The following ZNF609 variants were observed in gnomAD, a reference collection of about 807,000 sequenced individuals.
ZNF609 encodes the protein zinc finger protein 609.
Under a neutral mutation model 109.5 loss-of-function variants are expected in ZNF609, and 11 were observed. The ratio of observed to expected loss-of-function variants is 0.10; its 90% confidence interval spans 0.06 to 0.17. ZNF609 has a LOEUF of 0.17. Among genes scored for constraint, ZNF609 ranks in the 10% least tolerant of loss-of-function variants. ZNF609 has a pLI of 1.00. For synonymous variants in ZNF609, 646 were observed against 662.0 expected, an observed-to-expected ratio of 0.98 and a Z score of 0.37; for missense variants, 1,559 against 1,772.4, an observed-to-expected ratio of 0.88 and a Z score of 2.16.
chr15:64,660,328 C>G (rs1896555450), intron 3 of ZNF609, among the ~76,000 whole-genome samples: 1 of 152,084 alleles, frequency 6.6e-6, no homozygotes, highest in African/African-American at 2.4e-5. Context: ...AACATAAATA[C>G]AGTTCCCCTC....
At chr15:64,592,317 C>G (rs1895312613) in intron 2 of ZNF609, among the ~76,000 whole-genome samples, 1 of 152,120 alleles carries the variant, frequency 6.6e-6, no homozygotes, top group South Asian at 2.1e-4. Context: ...TGGCTCACGC[C>G]TATAATCCCA....
chr15:64,593,046 G>T (rs117686856), intron 2 of ZNF609: 96,252 of 1,589,472 alleles, frequency 0.061, 3,334 homozygotes, highest in Middle Eastern at 0.1. Flanking sequence ...CCTATTCGCT[G>T]CACTAACTGT....
chr15:64,606,561 A>G (rs1895605273), intron 2 of ZNF609, among the ~76,000 whole-genome samples: 1 of 143,300 alleles, frequency 7.0e-6, no homozygotes, highest in Non-Finnish European at 1.5e-5. Context: ...TCCATCTCAA[A>G]AAAAAAAAAA....
intron 2 of ZNF609, chr15:64,528,817 G>C (rs1157664816): frequency 1.2e-6 from 1 of 829,648 alleles, no homozygotes; most frequent in East Asian, 2.5e-5. Flanking sequence ...TGTTGCTGTT[G>C]AAGTCGAAGG....
chr15:64,646,939 C>CAAAAAAAAAAAAAAAAAAAAAAAAAA (rs10628744), intron 3 of ZNF609, among the ~76,000 whole-genome samples: 1 of 59,804 alleles, frequency 1.7e-5, no homozygotes. Flanking sequence ...GACTCTGTCT[C>CAAAAAAAAAAAAAAAAAAAAAAAAAA]AAAAAAAAAA....
rs768182504 is a variant in ZNF609 at position 64,615,116 on chromosome 15, C to CTGTTT, written c.748-7688_748-7684dup. Among the ~76,000 whole-genome samples the CTGTTT allele has an allele frequency of 1.3e-3, 189 of 148,274 alleles. 2 individuals are homozygous for CTGTTT. Among genetic ancestry groups the CTGTTT allele is most frequent in the African/African-American group, 3.6e-3 (142 of 40,000 alleles). On this transcript the variant is annotated intron_variant, in intron 2 of 9. Transcript: ENST00000326648. ...ACAGGCGTGAGCCACCAGGCCTGGC[C>CTGTTT]TGTTTTGTTTTGTTTTGTTTTGTTT...
chr15:64,680,896 T>A, intron 8 of ZNF609, 34 bp downstream of exon 8: 2 of 1,600,782 alleles, frequency 1.2e-6, no homozygotes, highest in Non-Finnish European at 1.7e-6. Flanking sequence ...TGTTGTTTTG[T>A]CTTGTTTTGT....
intron 2 of ZNF609, among the ~76,000 whole-genome samples, chr15:64,526,885 A>G (rs1893974477): frequency 6.6e-6 from 1 of 152,104 alleles, no homozygotes; most frequent in Non-Finnish European, 1.5e-5. Context: ...CTTGGGCTCA[A>G]ATGATCATCC....
upstream of ZNF609, among the ~76,000 whole-genome samples, chr15:64,460,375 G>T (rs1168859842): frequency 6.6e-6 from 1 of 152,246 alleles, no homozygotes; most frequent in East Asian, 1.9e-4. Context: ...GGTTCTAACC[G>T]GCACGCCGGG....
chr15:64,551,668 A>G (rs1209435173), intron 2 of ZNF609, among the ~76,000 whole-genome samples: 7 of 145,850 alleles, frequency 4.8e-5, no homozygotes, highest in Non-Finnish European at 1.1e-4. Context: ...AAAAAAAAAA[A>G]GAGAGAAAAG....
chr15:64,676,281 G>A, intron 5 of ZNF609, 25 bp downstream of exon 5: 3 of 1,571,380 alleles, frequency 1.9e-6, no homozygotes, highest in Non-Finnish European at 2.6e-6. Context: ...GGGAGGAAGT[G>A]GAAATACCGT....
intron 2 of ZNF609, chr15:64,529,064 G>A: frequency 8.5e-7 from 1 of 1,181,280 alleles, no homozygotes; most frequent in Non-Finnish European, 1.2e-6. Flanking sequence ...ATGATGTCCT[G>A]GAGAGCCCTG....
intron 2 of ZNF609, among the ~76,000 whole-genome samples, chr15:64,591,003 C>T (rs897955796): frequency 6.6e-6 from 1 of 152,062 alleles, no homozygotes; most frequent in East Asian, 1.9e-4. Flanking sequence ...TCTTTAAGTT[C>T]CAGAAAGCCT....
intron 5 of ZNF609, 110 bp from the exon 6 acceptor site, chr15:64,678,006 C>T: frequency 7.1e-7 from 1 of 1,406,416 alleles, no homozygotes; most frequent in South Asian, 1.4e-5. Flanking sequence ...TACTCTGCCC[C>T]AGGTGTCTAG....
At chr15:64,638,478 T>C (rs1896210216) in intron 3 of ZNF609, among the ~76,000 whole-genome samples, 1 of 152,016 alleles carries the variant, frequency 6.6e-6, no homozygotes, top group South Asian at 2.1e-4. Flanking sequence ...ACAGATCAAT[T>C]TGGAGAAGAC....
intron 2 of ZNF609, chr15:64,529,630 A>G (rs1894025495): frequency 1.1e-6 from 1 of 939,820 alleles, no homozygotes; most frequent in Admixed American, 1.7e-5. Context: ...CCAGGCACCC[A>G]GTACGACCAA....
At chr15:64,580,774 C>T (rs1440071404) in intron 2 of ZNF609, among the ~76,000 whole-genome samples, 1 of 151,780 alleles carries the variant, frequency 6.6e-6, no homozygotes, top group African/African-American at 2.4e-5. Context: ...CTGAAGTGAT[C>T]CTCCCACCGT....
intron 2 of ZNF609, chr15:64,593,042 C>T (rs1192193831): frequency 2.0e-5 from 32 of 1,586,400 alleles, no homozygotes; most frequent in South Asian, 5.5e-5. Context: ...GCAGCCTATT[C>T]GCTGCACTAA....
chr15:64,591,912 A>G (rs998520011), intron 2 of ZNF609, among the ~76,000 whole-genome samples: 6 of 152,008 alleles, frequency 3.9e-5, no homozygotes, highest in Non-Finnish European at 5.9e-5. Flanking sequence ...GGGTTTCACC[A>G]TGTTGGCCAG....
Sources: gnomAD v4.1 joint callset for allele counts (sites outside exome capture counted in the v4.1 genomes callset) on GRCh38, gnomAD v4.1.1 for gene constraint, MANE v1.5 for transcripts, NCBI Gene and HGNC (gene_info 2026-07-23, HGNC 2026-07-21) for gene names.